The following FHIT variants were observed in gnomAD, a reference collection of about 807,000 sequenced individuals.
FHIT encodes bis(5'-adenosyl)-triphosphatase.
FHIT carries 19 observed loss-of-function variants against 17.9 expected under a neutral mutation model. The observed-to-expected ratio is 1.06, with a 90% CI of 0.74 to 1.56. The LOEUF is 1.56. Among genes scored for constraint, FHIT ranks in the 40% most tolerant of loss-of-function variants. FHIT has a pLI of 0.00. For synonymous variants in FHIT, 81 were observed against 69.7 expected (o/e 1.16, Z -0.81); for missense variants, 248 against 189.2 (o/e 1.31, Z -1.82).
rs529507525 is a variant in FHIT, at chr3:60,453,606, T to C, written c.103+83254A>G. ...CCTTCAGGTTTCACCATCAGTCCTG[T>C]TTTAAATCCTAGCCCTGACTCTATG... On this transcript the variant is annotated intron_variant, in intron 5 of 9. Transcript: ENST00000492590. 2.6e-4 allele frequency among the ~76,000 whole-genome samples: 39 copies of C among 152,238 alleles called. 1 individual carries two copies. The South Asian group carries it at 6.6e-3, about 26-fold the overall frequency.
At chr3:59,995,218 G>A (rs1033387324) in intron 7 of FHIT, among the ~76,000 whole-genome samples, 26 of 151,730 alleles carry the variant, frequency 1.7e-4, no homozygotes, top group African/African-American at 6.3e-4. Flanking sequence ...AAAAACAACA[G>A]AACAAAACCT....
intron 2 of FHIT, among the ~76,000 whole-genome samples, chr3:61,086,181 C>G (rs1034888579): frequency 2.0e-5 from 3 of 152,066 alleles, no homozygotes; most frequent in African/African-American, 4.8e-5. Flanking sequence ...CAGACCTAAT[C>G]TTAGGGCAAG....
intron 4 of FHIT, among the ~76,000 whole-genome samples, chr3:60,770,593 T>C (rs1234760141): frequency 3.3e-5 from 5 of 152,202 alleles, no homozygotes; most frequent in Non-Finnish European, 7.3e-5. Flanking sequence ...TTTGGGGATG[T>C]TAGGATAAAT....
intron 5 of FHIT, among the ~76,000 whole-genome samples, chr3:60,027,648 G>GA (rs58975749): frequency 0.012 from 1,727 of 148,360 alleles, 31 homozygotes; most frequent in African/African-American, 0.041. Flanking sequence ...TTTCTATAAG[G>GA]AAAAAAAACC....
intron 1 of FHIT, among the ~76,000 whole-genome samples, chr3:61,226,768 T>C (rs2039981626): frequency 6.6e-6 from 1 of 152,174 alleles, no homozygotes; most frequent in Non-Finnish European, 1.5e-5. Flanking sequence ...CAAATGCAAA[T>C]AATTGTTAAA....
chr3:61,213,298 G>A (rs568927075), intron 1 of FHIT, among the ~76,000 whole-genome samples: 3 of 152,258 alleles, frequency 2.0e-5, no homozygotes, highest in South Asian at 4.2e-4. Context: ...TCAAAATAAA[G>A]GGATGGAGGA....
At chr3:60,095,925 T>C (rs1703928224) in intron 5 of FHIT, among the ~76,000 whole-genome samples, 1 of 152,216 alleles carries the variant, frequency 6.6e-6, no homozygotes, top group Non-Finnish European at 1.5e-5. Flanking sequence ...CATCCTGGGC[T>C]GTGTATATTC....
intron 4 of FHIT, among the ~76,000 whole-genome samples, chr3:60,803,755 A>G (rs1222964386): frequency 6.6e-6 from 1 of 151,958 alleles, no homozygotes; most frequent in African/African-American, 2.4e-5. Flanking sequence ...CCTCCCTGCC[A>G]TTTTCCCCTC....
intron 5 of FHIT, among the ~76,000 whole-genome samples, chr3:60,294,517 T>G (rs1708123375): frequency 6.6e-6 from 1 of 152,116 alleles, no homozygotes; most frequent in South Asian, 2.1e-4. Context: ...AGGCATGAAT[T>G]TACAAACAAT....
intron 5 of FHIT, among the ~76,000 whole-genome samples, chr3:60,470,058 T>TTCTTTCTTTCTCTCTCTCTCTCTCTC (rs1323971036): frequency 8.4e-5 from 12 of 143,040 alleles, no homozygotes; most frequent in African/African-American, 3.2e-4. Flanking sequence ...CTCTCTTTCT[T>TTCTTTCTTTCTCTCTCTCTCTCTCTC]TCTCTCTCTC....
Position 60,106,882 on chromosome 3 carries a change from C to G in FHIT, c.104-92730G>C, listed in dbSNP as rs189093835. On this transcript the variant is annotated intron_variant, in intron 5 of 9. Transcript: ENST00000492590. Reference sequence around the variant, plus strand: ...TACCTTAAACAAAAGTGTATTTTATCCTTTTTAATTTGGCATCCCTTAGAA... The same window carrying G: ...TACCTTAAACAAAAGTGTATTTTATGCTTTTTAATTTGGCATCCCTTAGAA... Among the ~76,000 whole-genome samples the G allele has an allele frequency of 2.5e-3, 382 of 152,270 alleles. 2 individuals are homozygous for G. Among genetic ancestry groups the G allele is most frequent in the African/African-American group, 8.9e-3 (371 of 41,570 alleles).
At chr3:61,215,150 C>A (rs368730816) in intron 1 of FHIT, among the ~76,000 whole-genome samples, 2 of 151,954 alleles carry the variant, frequency 1.3e-5, no homozygotes, top group South Asian at 4.2e-4. Context: ...GTTGGAAGTT[C>A]TGGCCAGGGC....
chr3:60,120,473 T>C (rs575222183), intron 5 of FHIT, among the ~76,000 whole-genome samples: 5 of 152,232 alleles, frequency 3.3e-5, no homozygotes, highest in Non-Finnish European at 4.4e-5. Flanking sequence ...GGTATTATTA[T>C]GCTGATGAAG....
chr3:59,988,662 C>T (rs1709093475), intron 7 of FHIT, among the ~76,000 whole-genome samples: 1 of 152,070 alleles, frequency 6.6e-6, no homozygotes, highest in South Asian at 2.1e-4. Context: ...CAAATCATCA[C>T]ACTTGTGCCT....
chr3:61,143,849 G>GA (rs2037154685), intron 2 of FHIT, among the ~76,000 whole-genome samples: 1 of 152,144 alleles, frequency 6.6e-6, no homozygotes, highest in Non-Finnish European at 1.5e-5. Flanking sequence ...TTGGGTGACA[G>GA]AGCAAGACTC....
intron 5 of FHIT, among the ~76,000 whole-genome samples, chr3:60,350,533 T>C (rs540347258): frequency 7.9e-5 from 12 of 152,232 alleles, no homozygotes; most frequent in African/African-American, 2.9e-4. Context: ...TGTTTAAGCA[T>C]TTGTGCTTTC....
At chr3:60,689,266 A>G (rs1296355838) in intron 4 of FHIT, among the ~76,000 whole-genome samples, 1 of 152,174 alleles carries the variant, frequency 6.6e-6, no homozygotes, top group African/African-American at 2.4e-5. Flanking sequence ...TTTGTTTGTG[A>G]ATTGCCCAGT....
Position 60,121,709 on chromosome 3 carries a change from A to AAAACACACACACAC in FHIT, c.104-107558_104-107557insGTGTGTGTGTGTTT, listed in dbSNP as rs1553690214. ...AAAAAACAAACAAACAAACAAAACAAACACACACACACACACACACACACA... is the reference window on the plus strand; with the variant it reads ...AAAAAACAAACAAACAAACAAAACAAAAACACACACACACACACACACACACACACACACACACA... On this transcript the variant is annotated intron_variant, in intron 5 of 9. Transcript: ENST00000492590. Among the ~76,000 whole-genome samples, 307 of 116,390 alleles carry AAAACACACACACAC rather than the reference A, an allele frequency of 2.6e-3. 2 individuals carry two copies. Among genetic ancestry groups the AAAACACACACACAC allele is most frequent in the African/African-American group, 9.5e-3 (283 of 29,762 alleles). 76.4% of individuals were successfully genotyped at this position (116,390 alleles called of 152,430 possible).
chr3:60,965,176 T>C (rs1157641024), intron 3 of FHIT, among the ~76,000 whole-genome samples: 1 of 151,924 alleles, frequency 6.6e-6, no homozygotes, highest in Admixed American at 6.5e-5. Flanking sequence ...TTCATTTCAT[T>C]CATTTGTTCT....
Sources: gnomAD v4.1 joint callset for allele counts (sites outside exome capture counted in the v4.1 genomes callset) on GRCh38, gnomAD v4.1.1 for gene constraint, MANE v1.5 for transcripts, NCBI Gene and HGNC (gene_info 2026-07-23, HGNC 2026-07-21) for gene names.